The following IPO11 variants were observed in gnomAD, a reference collection of about 807,000 sequenced individuals.
IPO11 encodes importin 11.
IPO11 carries 66 observed loss-of-function variants against 143.2 expected under a neutral mutation model. The observed-to-expected ratio is 0.46, with a 90% CI of 0.38 to 0.57. IPO11 has a LOEUF of 0.57. Among genes scored for constraint, IPO11 ranks in the 20% least tolerant of loss-of-function variants. IPO11 has a pLI of 0.00. For missense variants in IPO11, 1,026 were observed against 1,141.0 expected (o/e 0.90, Z 1.45); for synonymous variants, 385 against 377.8 (o/e 1.02, Z -0.22).
chr5:62,545,042 A>C (rs1743113076), intron 24 of IPO11, among the ~76,000 whole-genome samples: 2 of 152,204 alleles, frequency 1.3e-5, no homozygotes, highest in African/African-American at 4.8e-5. Flanking sequence ...TTATAGATTC[A>C]GTGCCATCCC....
In IPO11 at chr5:62,563,696, T is replaced by C. The variant is rs1210649202; in HGVS notation, c.2582+2439T>C. 2.0e-5 allele frequency among the ~76,000 whole-genome samples: 3 copies of C among 152,290 alleles called. No homozygotes were observed. The East Asian group carries it at 5.8e-4, about 29-fold the overall frequency. On this transcript the variant is annotated intron_variant, in intron 27 of 29. Coordinates refer to ENST00000325324, the MANE Select transcript of IPO11 (RefSeq NM_016338.5). Reference sequence around the variant, plus strand: ...TACACCTCATATAGTCTGAAGATAATTTTATGCAATATTTTAAATAATTTT... The same window carrying C: ...TACACCTCATATAGTCTGAAGATAACTTTATGCAATATTTTAAATAATTTT...
At chr5:62,496,689 A>G (rs1224951997) in intron 16 of IPO11, among the ~76,000 whole-genome samples, 1 of 152,232 alleles carries the variant, frequency 6.6e-6, no homozygotes, top group Non-Finnish European at 1.5e-5. Context: ...ATATAGAGAC[A>G]TGTATGTATA....
intron 29 of IPO11, among the ~76,000 whole-genome samples, chr5:62,622,200 T>A (rs1746402656): frequency 6.6e-6 from 1 of 152,194 alleles, no homozygotes; most frequent in Admixed American, 6.5e-5. Flanking sequence ...CAGTGCTTCT[T>A]ATTTTTGGAT....
At chr5:62,547,368 T>G (rs1187819614) in intron 24 of IPO11, among the ~76,000 whole-genome samples, 9 of 152,056 alleles carry the variant, frequency 5.9e-5, no homozygotes, top group African/African-American at 2.2e-4. Flanking sequence ...CATGTCAGAG[T>G]GGAATGTCAT....
chr5:62,456,568 C>T (rs1399678305), intron 5 of IPO11, among the ~76,000 whole-genome samples: 1 of 152,098 alleles, frequency 6.6e-6, no homozygotes, highest in Non-Finnish European at 1.5e-5. Flanking sequence ...GCAATCCTCT[C>T]ACCTCAGCCT....
chr5:62,435,437 A>AG (rs1744186330), intron 1 of IPO11, among the ~76,000 whole-genome samples: 1 of 150,720 alleles, frequency 6.6e-6, no homozygotes, highest in East Asian at 2.0e-4. Context: ...AAAAATAAAA[A>AG]ATAAAAAAAA....
At chr5:62,497,319 C>T (rs982925139) in intron 16 of IPO11, among the ~76,000 whole-genome samples, 3 of 151,952 alleles carry the variant, frequency 2.0e-5, no homozygotes, top group Non-Finnish European at 2.9e-5. Flanking sequence ...ACTCAGTTAC[C>T]CATATTTTCA....
chr5:62,492,368 T>A (rs1746649603), intron 15 of IPO11, among the ~76,000 whole-genome samples: 1 of 152,184 alleles, frequency 6.6e-6, no homozygotes, highest in African/African-American at 2.4e-5. Context: ...TTTCCACCCT[T>A]TGGCTCCAAT....
At chr5:62,623,680 C>G (rs898795296) in intron 29 of IPO11, among the ~76,000 whole-genome samples, 1 of 126,578 alleles carries the variant, frequency 7.9e-6, no homozygotes, top group African/African-American at 3.0e-5. Context: ...GAGTTTTGCT[C>G]TTGTTGCCCA....
At position 62,512,782 on chromosome 5, in the gene IPO11, G is replaced by C. The variant is rs374823059; in HGVS notation, c.1783-2606G>C. On this transcript the variant is annotated intron_variant, in intron 19 of 29. Transcript: ENST00000325324. ...GTACTTGAGATTAGGGAGTGGTGAT[G>C]ACTCTTAACGCGCATGCTGCCTTCA... 2.7e-4 allele frequency among the ~76,000 whole-genome samples: 41 copies of C among 149,548 alleles called. No homozygotes were observed. In the East Asian group the frequency reaches 7.3e-3, roughly 27 times the overall value.
At chr5:62,500,792 C>T (rs547153083) in intron 16 of IPO11, among the ~76,000 whole-genome samples, 1 of 152,294 alleles carries the variant, frequency 6.6e-6, no homozygotes, top group East Asian at 1.9e-4. Context: ...GCAACTGCAC[C>T]AGGCCATGTC....
intron 27 of IPO11, chr5:62,580,199 T>C: frequency 6.4e-7 from 1 of 1,551,188 alleles, no homozygotes; most frequent in Non-Finnish European, 8.7e-7. Flanking sequence ...CTTGCCAATC[T>C]GGAATACCTC....
intron 27 of IPO11, among the ~76,000 whole-genome samples, chr5:62,588,826 A>G (rs1008717985): frequency 3.9e-5 from 6 of 152,178 alleles, no homozygotes; most frequent in Non-Finnish European, 5.9e-5. Flanking sequence ...AGGGCATTCA[A>G]CTGCAGTTGG....
chr5:62,417,613 C>G (rs1743347525), intron 1 of IPO11, among the ~76,000 whole-genome samples: 2 of 152,140 alleles, frequency 1.3e-5, no homozygotes, highest in Non-Finnish European at 1.5e-5. Flanking sequence ...CTACCCTGCT[C>G]TCTTCTGAAA....
intron 29 of IPO11, among the ~76,000 whole-genome samples, chr5:62,602,567 A>C (rs1339219828): frequency 6.6e-6 from 1 of 151,688 alleles, no homozygotes; most frequent in Non-Finnish European, 1.5e-5. Context: ...ATAAATAATT[A>C]AAATGGTTAT....
intron 1 of IPO11, among the ~76,000 whole-genome samples, chr5:62,433,596 C>T (rs2112121363): frequency 6.6e-6 from 1 of 152,278 alleles, no homozygotes; most frequent in Middle Eastern, 3.4e-3. Flanking sequence ...GTGTCTGGCA[C>T]AAAATAGGTG....
At chr5:62,487,700 G>T in intron 12 of IPO11, 71 bp from the exon 13 acceptor site, 1 of 1,299,782 alleles carries the variant, frequency 7.7e-7, no homozygotes. Context: ...TTAAGTATTT[G>T]CTTTATTAAA....
At chr5:62,601,690 G>T in intron 28 of IPO11, 74 bp from the exon 29 acceptor site, 1 of 667,088 alleles carries the variant, frequency 1.5e-6, no homozygotes, top group Non-Finnish European at 2.3e-6. Flanking sequence ...TGTTCTTAGT[G>T]ATTTTAAGGA....
At chr5:62,542,909 T>C (rs1743014570) in intron 24 of IPO11, among the ~76,000 whole-genome samples, 1 of 152,196 alleles carries the variant, frequency 6.6e-6, no homozygotes, top group South Asian at 2.1e-4. Context: ...ATGACACAAA[T>C]ATTTTTAAGG....
Sources: allele counts gnomAD v4.1 joint callset (sites outside exome capture counted in the v4.1 genomes callset), GRCh38; gene constraint gnomAD v4.1.1; transcripts MANE v1.5; gene names NCBI Gene and HGNC (gene_info 2026-07-23, HGNC 2026-07-21).